The following SEMA3E variants were observed in gnomAD, a reference collection of about 807,000 sequenced individuals.
SEMA3E encodes semaphorin-3E.
In SEMA3E, 49 loss-of-function variants were observed where a neutral mutation model predicts 93.6. The observed-to-expected ratio is 0.52, with a 90% CI of 0.42 to 0.66. The LOEUF (loss-of-function observed/expected upper bound fraction) is 0.66. Ranked by LOEUF, SEMA3E falls within the 30% of genes least tolerant of loss-of-function variation. The pLI, the probability that SEMA3E is intolerant of heterozygous loss-of-function variation, is 0.00. For synonymous variants in SEMA3E, 363 were observed against 330.7 expected (o/e 1.10, Z -1.06); for missense variants, 906 against 964.8 (o/e 0.94, Z 0.81).
chr7:83,606,974 T>G (rs919243897), intron 1 of SEMA3E, among the ~76,000 whole-genome samples: 1 of 152,172 alleles, frequency 6.6e-6, no homozygotes, highest in African/African-American at 2.4e-5. Context: ...TAAAGTATAA[T>G]GTAGGGAATG....
chr7:83,550,921 A>G (rs1397412786), intron 1 of SEMA3E, among the ~76,000 whole-genome samples: 1 of 152,164 alleles, frequency 6.6e-6, no homozygotes, highest in African/African-American at 2.4e-5. Flanking sequence ...TTCAATACAC[A>G]TATAAAAAGT....
intron 4 of SEMA3E, among the ~76,000 whole-genome samples, chr7:83,459,558 T>C (rs1010368218): frequency 1.3e-5 from 2 of 152,210 alleles, no homozygotes; most frequent in African/African-American, 4.8e-5. Flanking sequence ...AGTTCTACTT[T>C]TATATCCTCT....
intron 1 of SEMA3E, among the ~76,000 whole-genome samples, chr7:83,529,496 G>T (rs1791238591): frequency 6.6e-6 from 1 of 152,102 alleles, no homozygotes; most frequent in African/African-American, 2.4e-5. Flanking sequence ...TCCTTATGAA[G>T]ATTAGATCTT....
intron 1 of SEMA3E, among the ~76,000 whole-genome samples, chr7:83,544,459 A>G (rs1375768212): frequency 2.0e-5 from 3 of 152,154 alleles, no homozygotes; most frequent in African/African-American, 7.2e-5. Context: ...CTGGGGAGGC[A>G]TGAAAGCTTC....
chr7:83,600,580 C>A, intron 1 of SEMA3E, among the ~76,000 whole-genome samples: 1 of 145,892 alleles, frequency 6.9e-6, no homozygotes, highest in African/African-American at 2.6e-5. Flanking sequence ...ATCTCCTGAC[C>A]TCGTGATCCG....
intron 1 of SEMA3E, among the ~76,000 whole-genome samples, chr7:83,634,118 T>A (rs1793836028): frequency 6.6e-6 from 1 of 152,310 alleles, no homozygotes; most frequent in South Asian, 2.1e-4. Flanking sequence ...CTTAAAACAA[T>A]ATATTACTAT....
intron 4 of SEMA3E, among the ~76,000 whole-genome samples, chr7:83,446,688 T>C (rs1013020872): frequency 1.3e-5 from 2 of 152,200 alleles, no homozygotes; most frequent in African/African-American, 4.8e-5. Flanking sequence ...AGTGCATCAA[T>C]ATAGTATGTA....
At chr7:83,529,452 A>G (rs1213927370) in intron 1 of SEMA3E, among the ~76,000 whole-genome samples, 1 of 152,174 alleles carries the variant, frequency 6.6e-6, no homozygotes, top group Non-Finnish European at 1.5e-5. Flanking sequence ...GTTTTATAAA[A>G]TAAACATAAA....
At chr7:83,567,724 T>C (rs973452102) in intron 1 of SEMA3E, among the ~76,000 whole-genome samples, 3 of 151,922 alleles carry the variant, frequency 2.0e-5, no homozygotes, top group Non-Finnish European at 2.9e-5. Flanking sequence ...TCCTGAAACA[T>C]AATATACAAA....
chr7:83,517,501 A>G (rs1790955048), intron 1 of SEMA3E, among the ~76,000 whole-genome samples: 1 of 152,204 alleles, frequency 6.6e-6, no homozygotes, highest in Admixed American at 6.5e-5. Flanking sequence ...AAGATTAATC[A>G]CTAAGTAAAG....
chr7:83,632,341 T>C (rs1793803798), intron 1 of SEMA3E, among the ~76,000 whole-genome samples: 1 of 152,124 alleles, frequency 6.6e-6, no homozygotes, highest in Non-Finnish European at 1.5e-5. Context: ...AAGAGCATGA[T>C]AACTATCTGA....
intron 1 of SEMA3E, among the ~76,000 whole-genome samples, chr7:83,632,188 A>G (rs1022957086): frequency 6.6e-6 from 1 of 151,812 alleles, no homozygotes; most frequent in Non-Finnish European, 1.5e-5. Context: ...GGTTAACAGC[A>G]CCACCACTAT....
rs114624383 is a variant in SEMA3E at position 83,421,636 on chromosome 7, T to C, written c.457-3153A>G. 3.4e-3 allele frequency among the ~76,000 whole-genome samples: 482 copies of C among 142,558 alleles called. 53 individuals are homozygous for C. Among genetic ancestry groups the C allele is most frequent in the African/African-American group, 9.9e-3 (396 of 39,994 alleles). The allele number at this position is 142,558 out of a possible 152,430, so 93.5% of individuals were successfully genotyped here. A position where few individuals can be genotyped will look rare whatever the true frequency, so the allele number is the denominator to read the frequency against. ...CTGTGAACCACAAACCTATAAACAATCTTGAAAGTCCAGAGTAACCTCTGA... is the reference window on the plus strand; with the variant it reads ...CTGTGAACCACAAACCTATAAACAACCTTGAAAGTCCAGAGTAACCTCTGA... On this transcript the variant is annotated intron_variant, in intron 4 of 16. Transcript: ENST00000643230.
intron 1 of SEMA3E, among the ~76,000 whole-genome samples, chr7:83,572,661 A>C (rs530863995): frequency 1.7e-3 from 259 of 152,036 alleles, no homozygotes; most frequent in African/African-American, 6.0e-3. Flanking sequence ...CAAAACAAAA[A>C]AACAAAAAAA....
chr7:83,598,914 C>T (rs1277330421), intron 1 of SEMA3E, among the ~76,000 whole-genome samples: 1 of 152,114 alleles, frequency 6.6e-6, no homozygotes, highest in Non-Finnish European at 1.5e-5. Context: ...ATGTGGCACT[C>T]ATTAAATGTC....
intron 4 of SEMA3E, among the ~76,000 whole-genome samples, chr7:83,450,355 A>G (rs1789332863): frequency 6.6e-6 from 1 of 152,190 alleles, no homozygotes; most frequent in African/African-American, 2.4e-5. Context: ...CAATTGCTAT[A>G]AACAATTAGA....
In SEMA3E at chr7:83,648,476, C is replaced by T. The variant is rs767579448; in HGVS notation, c.67G>A (p.Gly23Ser). 4 of 1,612,354 alleles carry T rather than the reference C, an allele frequency of 2.5e-6. No homozygotes were observed. The highest frequency in any genetic ancestry group is 3.3e-5 in the Admixed American group (2 of 59,788). ...WGYLLELWTG[G>S]HTADTTHPRL... ...GGGTGGGTAGTATCAGCTGTATGAC[C>T]TCCTGTCCAAAGCTCCAGTAAGTAA... Residue 23 changes from glycine (G) to serine (S), a missense_variant, in exon 1 of 17, where the codon GGT becomes AGT. Gly to Ser is a moderately conservative substitution (Grantham distance 56). Coordinates refer to ENST00000643230, the MANE Select transcript of SEMA3E (RefSeq NM_012431.3).
At chr7:83,580,706 A>G (rs751120495) in intron 1 of SEMA3E, among the ~76,000 whole-genome samples, 49 of 152,072 alleles carry the variant, frequency 3.2e-4, no homozygotes, top group Middle Eastern at 3.4e-3. Context: ...AATCCTCTAT[A>G]TCATAGTACT....
intron 1 of SEMA3E, among the ~76,000 whole-genome samples, chr7:83,551,709 TA>T (rs1791768049): frequency 6.6e-6 from 1 of 152,164 alleles, no homozygotes; most frequent in Non-Finnish European, 1.5e-5. Context: ...AGACTTTTTA[TA>T]AAATATGATC....
Sources: allele counts gnomAD v4.1 joint callset (sites outside exome capture counted in the v4.1 genomes callset), GRCh38; gene constraint gnomAD v4.1.1; transcripts MANE v1.5; gene names NCBI Gene and HGNC (gene_info 2026-07-23, HGNC 2026-07-21).